Variants in TENM4 observed in about 807,000 individuals in gnomAD.
The protein encoded by TENM4 is teneurin transmembrane protein 4.
Under a neutral mutation model 243.3 loss-of-function variants are expected in TENM4, and 82 were observed. The observed-to-expected ratio is 0.34, with a 90% CI of 0.28 to 0.40. TENM4 has a LOEUF of 0.40. Ranked by LOEUF, TENM4 falls within the 10% of genes least tolerant of loss-of-function variation. The pLI, the probability that TENM4 is intolerant of heterozygous loss-of-function variation, is 1.00. For synonymous variants in TENM4, 1,412 were observed against 1,456.3 expected, an observed-to-expected ratio of 0.97 and a Z score of 0.69; for missense variants, 3,138 against 3,673.3, an observed-to-expected ratio of 0.85 and a Z score of 3.77.
chr11:79,336,178 G>A (rs1178948189), intron 1 of TENM4, among the ~76,000 whole-genome samples: 1 of 151,748 alleles, frequency 6.6e-6, no homozygotes, highest in Non-Finnish European at 1.5e-5. Flanking sequence ...CCTCCAAGAT[G>A]GAAGAGTGTC....
intron 4 of TENM4, among the ~76,000 whole-genome samples, chr11:79,125,522 G>T (rs1008543615): frequency 2.6e-5 from 4 of 152,180 alleles, no homozygotes; most frequent in African/African-American, 4.8e-5. Flanking sequence ...TAAAGTGAAG[G>T]CATTGATTGA....
At chr11:79,073,844 A>C (rs940927952) in intron 4 of TENM4, among the ~76,000 whole-genome samples, 1 of 152,244 alleles carries the variant, frequency 6.6e-6, no homozygotes, top group Admixed American at 6.5e-5. Flanking sequence ...TCATCAGAAA[A>C]AACAAACACA....
chr11:79,159,424 A>T (rs1862694959), intron 3 of TENM4, among the ~76,000 whole-genome samples: 1 of 152,192 alleles, frequency 6.6e-6, no homozygotes, highest in Non-Finnish European at 1.5e-5. Context: ...AAAATGAAAT[A>T]AAAAGAATAA....
chr11:78,875,390 G>A (rs1287046583), intron 9 of TENM4, among the ~76,000 whole-genome samples: 6 of 152,096 alleles, frequency 3.9e-5, no homozygotes, highest in Admixed American at 6.5e-5. Context: ...TTTTAGTAGA[G>A]ACAGGGTTCC....
At chr11:79,302,649 G>C (rs539271896) in intron 1 of TENM4, among the ~76,000 whole-genome samples, 1 of 152,268 alleles carries the variant, frequency 6.6e-6, no homozygotes, top group South Asian at 2.1e-4. Context: ...GTTGGTCAGA[G>C]AGGCTCAGTA....
chr11:79,238,457 T>C (rs949637965), intron 2 of TENM4, among the ~76,000 whole-genome samples: 3 of 152,052 alleles, frequency 2.0e-5, no homozygotes, highest in Admixed American at 2.0e-4. Flanking sequence ...TGCTGGGAGA[T>C]CCATCTCCTC....
At chr11:79,305,669 G>C (rs1365562564) in intron 1 of TENM4, among the ~76,000 whole-genome samples, 4 of 152,232 alleles carry the variant, frequency 2.6e-5, no homozygotes, top group African/African-American at 9.6e-5. Context: ...CCAGCTTCTA[G>C]CAATGCGGTC....
chr11:79,125,982 G>T (rs895632407), intron 4 of TENM4, among the ~76,000 whole-genome samples: 3 of 152,316 alleles, frequency 2.0e-5, no homozygotes, highest in Non-Finnish European at 4.4e-5. Flanking sequence ...CGGATATTAA[G>T]GGTGTAGGAT....
In TENM4 at chr11:79,138,685, ATACAT is replaced by A. The variant is rs1434429494; in HGVS notation, c.-66+10020_-66+10024del. The stretch of plus-strand genomic sequence containing the variant: ...TTATATTTATATAAATACATAAAAC[ATACAT>A]TATATTTATATAAATACATAAAACA... On this transcript the variant is annotated intron_variant, in intron 4 of 33. Coordinates refer to ENST00000278550, the MANE Select transcript of TENM4 (RefSeq NM_001098816.3). Among the ~76,000 whole-genome samples, 26 of 97,374 alleles carry A rather than the reference ATACAT, an allele frequency of 2.7e-4. 1 individual carries two copies. Among genetic ancestry groups the A allele is most frequent in the Admixed American group, 4.3e-4 (3 of 6,928 alleles). 63.9% of individuals were successfully genotyped at this position (97,374 alleles called of 152,430 possible).
At chr11:78,954,490 G>A (rs1857168875) in intron 6 of TENM4, among the ~76,000 whole-genome samples, 1 of 152,210 alleles carries the variant, frequency 6.6e-6, no homozygotes, top group Admixed American at 6.5e-5. Flanking sequence ...TGTCAAAGAG[G>A]AAGTCTAAGT....
chr11:79,061,095 T>A (rs1860074817), intron 6 of TENM4, among the ~76,000 whole-genome samples: 1 of 152,150 alleles, frequency 6.6e-6, no homozygotes, highest in Admixed American at 6.5e-5. Flanking sequence ...CAACTAGATA[T>A]GTGGCCCTGT....
chr11:78,874,448 G>A (rs1180987372), intron 9 of TENM4, among the ~76,000 whole-genome samples: 3 of 152,118 alleles, frequency 2.0e-5, no homozygotes, highest in African/African-American at 7.2e-5. Context: ...TACACAGACT[G>A]TTACAAAGAT....
intron 2 of TENM4, among the ~76,000 whole-genome samples, chr11:79,270,136 C>A (rs189647850): frequency 1.3e-5 from 2 of 152,272 alleles, no homozygotes; most frequent in Non-Finnish European, 2.9e-5. Flanking sequence ...TCTCCTCCTG[C>A]CTGGCCACCT....
In TENM4 at chr11:78,878,012, G is replaced by A. The variant is rs540438503; in HGVS notation, c.1084+11773C>T. Among the ~76,000 whole-genome samples, 29 of 152,228 alleles carry A rather than the reference G, an allele frequency of 1.9e-4. No individual in the cohort carries two copies. In the South Asian group the frequency reaches 2.3e-3, roughly 12 times the overall value. On this transcript the variant is annotated intron_variant, in intron 9 of 33. Coordinates refer to ENST00000278550, the MANE Select transcript of TENM4 (RefSeq NM_001098816.3). The stretch of plus-strand genomic sequence containing the variant: ...TTAGGGCAAAGCCAGCCTGTGCCCC[G>A]TGCCGGCTATGTTTCAGCAGCCGCC...
chr11:78,684,227 T>C (rs1169166881), intron 29 of TENM4, among the ~76,000 whole-genome samples: 2 of 152,252 alleles, frequency 1.3e-5, no homozygotes, highest in African/African-American at 4.8e-5. Flanking sequence ...GCAGCCAGGC[T>C]ACTTCAGCTC....
intron 6 of TENM4, among the ~76,000 whole-genome samples, chr11:78,922,878 C>G (rs970636506): frequency 5.3e-5 from 8 of 152,194 alleles, no homozygotes; most frequent in African/African-American, 1.9e-4. Context: ...ATGTATGATG[C>G]TAGCCTCCAG....
At chr11:78,885,474 T>C (rs7113102) in intron 9 of TENM4, among the ~76,000 whole-genome samples, 19,037 of 152,286 alleles carry the variant, frequency 0.13, 1,631 homozygotes, top group African/African-American at 0.25. Context: ...GAGGAGGAGA[T>C]GGCCCATGGG....
chr11:79,040,449 C>A (rs1859492246), intron 6 of TENM4, among the ~76,000 whole-genome samples: 1 of 152,220 alleles, frequency 6.6e-6, no homozygotes, highest in Non-Finnish European at 1.5e-5. Flanking sequence ...GCCAGCCCAG[C>A]AACCTGAGTC....
At chr11:79,363,787 A>G (rs1441612177) in intron 1 of TENM4, among the ~76,000 whole-genome samples, 1 of 152,244 alleles carries the variant, frequency 6.6e-6, no homozygotes, top group African/African-American at 2.4e-5. Flanking sequence ...TACTTAGGAA[A>G]AAATCTATTT....
Sources: gnomAD v4.1 joint callset for allele counts (sites outside exome capture counted in the v4.1 genomes callset) on GRCh38, gnomAD v4.1.1 for gene constraint, MANE v1.5 for transcripts, NCBI Gene and HGNC (gene_info 2026-07-23, HGNC 2026-07-21) for gene names.